TRAPPC11: variants seen among roughly 807,000 people sequenced by gnomAD.
TRAPPC11 encodes the protein foie gras homolog.
TRAPPC11 carries 104 observed loss-of-function variants against 151.2 expected under a neutral mutation model. That is an observed-to-expected ratio of 0.69 (90% CI 0.59 to 0.81). The LOEUF (loss-of-function observed/expected upper bound fraction) is 0.81, where lower values mean the gene tolerates loss of function less well. TRAPPC11 is among the 30% of genes least tolerant of loss of function. The probability of loss-of-function intolerance (pLI) is 0.00; values close to 1 mark genes in which losing one functional copy is unlikely to be tolerated. For missense variants in TRAPPC11, 1,230 were observed against 1,349.6 expected (o/e 0.91, Z 1.39); for synonymous variants, 456 against 472.3 (o/e 0.97, Z 0.45).
chr4:183,661,309 A>G (rs950162389), intron 1 of TRAPPC11, among the ~76,000 whole-genome samples: 4 of 151,570 alleles, frequency 2.6e-5, no homozygotes, highest in Non-Finnish European at 5.9e-5. Context: ...CACTTTTCAC[A>G]AAGATTGTGT....
chr4:183,664,507 G>A (rs1435871998), intron 2 of TRAPPC11, among the ~76,000 whole-genome samples: 1 of 152,150 alleles, frequency 6.6e-6, no homozygotes, highest in African/African-American at 2.4e-5. Context: ...GAATTTAAGT[G>A]AGACAGGTTC....
rs766280108 is a variant in TRAPPC11, at chr4:183,691,393, G to A, written c.1971G>A (p.Met657Ile). The change falls in exon 19 of 30, where the codon ATG becomes ATA. Residue 657 changes from methionine to isoleucine, a missense_variant. Physicochemically the swap from Met to Ile is conservative, Grantham distance 10 (BLOSUM62 1). Coordinates refer to ENST00000334690, the MANE Select transcript of TRAPPC11 (RefSeq NM_021942.6). The part of the protein sequence containing the change: ...EVLENLTQGK[M>I]CLVPGKTRKL... ...TAGAAAATCTGACTCAAGGAAAGATGTGCCTAGTTCCTGGCAAAACAAGAA... is the reference window on the plus strand; with the variant it reads ...TAGAAAATCTGACTCAAGGAAAGATATGCCTAGTTCCTGGCAAAACAAGAA... The A allele has an allele frequency of 6.4e-7, 1 of 1,565,752 alleles. No homozygotes were observed. Among genetic ancestry groups the A allele is most frequent in the South Asian group, 1.2e-5 (1 of 81,804 alleles).
At position 183,708,545 on chromosome 4, in the gene TRAPPC11, C is replaced by G. The variant is rs768618652; in HGVS notation, c.3328C>G (p.Arg1110Gly). The G allele has an allele frequency of 6.8e-6, 11 of 1,613,824 alleles. No individual in the cohort carries two copies. Among genetic ancestry groups the G allele is most frequent in the Admixed American group, 1.7e-5 (1 of 59,968 alleles). Reference protein sequence around the residue: ...FPNFTNQLLRRFIPTSIFVKP... With the variant: ...FPNFTNQLLRGFIPTSIFVKP... Reference sequence around the variant, plus strand: ...TAACTTCACAAATCAGCTGCTCAGGCGTTTTATACCTACCAGTATTTTTGT... The same window carrying G: ...TAACTTCACAAATCAGCTGCTCAGGGGTTTTATACCTACCAGTATTTTTGT... The change falls in exon 29 of 30, where the codon CGT becomes GGT. Residue 1110 changes from arginine (R) to glycine (G), a missense_variant. Arg to Gly is a moderately radical substitution (Grantham distance 125, BLOSUM62 -2). Transcript: ENST00000334690.
rs1282199179 is a variant in TRAPPC11 at position 183,684,793 on chromosome 4, G to T, written c.1519G>T (p.Ala507Ser). The stretch of plus-strand genomic sequence containing the variant: ...AGCTCTGAAGTGCTCCTACCTCATG[G>T]CCCAATTAAAGGATTACATTACTTA... ...TTALKCSYLMAQLKDYITYSL... is the reference protein window; with the variant it reads ...TTALKCSYLMSQLKDYITYSL... The change falls in exon 15 of 30, where the codon GCC (alanine) becomes TCC (serine). Residue 507 changes from alanine (A) to serine (S), a missense_variant. Physicochemically the swap from Ala to Ser is moderately conservative, Grantham distance 99. Transcript: ENST00000334690. The T allele has an allele frequency of 1.2e-6, 2 of 1,613,736 alleles. No homozygotes were observed. The highest frequency in any genetic ancestry group is 1.7e-6 in the Non-Finnish European group (2 of 1,179,874).
intron 8 of TRAPPC11, among the ~76,000 whole-genome samples, chr4:183,678,866 A>C (rs1427564303): frequency 6.6e-6 from 1 of 152,204 alleles, no homozygotes; most frequent in Admixed American, 6.5e-5. Flanking sequence ...AAATACATAC[A>C]TATTAGTACT....
chr4:183,697,859 A>C, intron 25 of TRAPPC11, 24 bp downstream of exon 25: 2 of 1,604,398 alleles, frequency 1.2e-6, no homozygotes, highest in Non-Finnish European at 1.7e-6. Flanking sequence ...ATTCCCACTT[A>C]AAGACCAGGA....
At chr4:183,710,350 G>A (rs900916999) in intron 29 of TRAPPC11, among the ~76,000 whole-genome samples, 3 of 151,480 alleles carry the variant, frequency 2.0e-5, no homozygotes, top group Non-Finnish European at 2.9e-5. Flanking sequence ...GCAGTGGCCC[G>A]ATGTCTGCTC....
intron 27 of TRAPPC11, 109 bp from the exon 28 acceptor site, chr4:183,706,698 A>G (rs1404377828): frequency 1.6e-6 from 2 of 1,227,232 alleles, no homozygotes; most frequent in African/African-American, 3.0e-5. Flanking sequence ...CAGTAACGTC[A>G]TTAATTTAAA....
chr4:183,689,579 TTTTG>T (rs1736149851), intron 18 of TRAPPC11, among the ~76,000 whole-genome samples: 4 of 151,956 alleles, frequency 2.6e-5, no homozygotes, highest in East Asian at 1.9e-4. Flanking sequence ...CAGGGGTTTT[TTTTG>T]TTTGTTTGTT....
chr4:183,679,237 A>G, intron 8 of TRAPPC11, 116 bp from the exon 9 acceptor site: 3 of 1,067,486 alleles, frequency 2.8e-6, no homozygotes, highest in Non-Finnish European at 3.8e-6. Flanking sequence ...AAAGAGCTTC[A>G]GAGAAGGAAA....
intron 2 of TRAPPC11, 79 bp downstream of exon 2, chr4:183,664,150 T>C (rs942853745): frequency 3.3e-5 from 44 of 1,320,862 alleles, no homozygotes; most frequent in Admixed American, 3.3e-4. Flanking sequence ...TTCTGTTGTG[T>C]GTGTGGAGTT....
At position 183,693,209 on chromosome 4, in the gene TRAPPC11, T is replaced by C. The variant is rs1736347125; in HGVS notation, c.2237+62T>C. On this transcript the variant is annotated intron_variant, in intron 20 of 29. Coordinates refer to ENST00000334690, the MANE Select transcript of TRAPPC11 (RefSeq NM_021942.6). ...CCTCTTATTTCTTTTGCTATTTTTT[T>C]TGGAGACAGAGTCTCTCTCTTGTCC... The C allele has an allele frequency of 2.7e-6, 4 of 1,460,974 alleles. No individual in the cohort carries two copies. The Admixed American group carries it at 9.2e-5, about 33-fold the overall frequency. 90.5% of individuals were successfully genotyped at this position (1,460,974 alleles called of 1,614,324 possible).
chr4:183,680,265 G>T lies in TRAPPC11; in HGVS notation c.1111G>T (p.Glu371Ter). The T allele has an allele frequency of 6.2e-7, 1 of 1,613,706 alleles. No homozygotes were observed. The highest frequency in any genetic ancestry group is 8.5e-7 in the Non-Finnish European group (1 of 1,179,896). Residue 371 changes from glutamate to a stop codon, truncating the protein, a stop_gained and splice_region_variant, in exon 10 of 30, where the codon GAA becomes TAA. Transcript: ENST00000334690. LOFTEE classifies it high-confidence loss of function. Reference protein sequence around the residue: ...KQLAKTLCNHEASVMYPNPDP... With the variant: ...KQLAKTLCNH ...GCTTGCAAAAACCCTCTGTAACCAC[G>T]AAGTAAGTTACTCACTCCGTATTAT...
rs1008322323 is a variant in TRAPPC11, at chr4:183,706,852, A to G, written c.3101A>G (p.Tyr1034Cys). The G allele has an allele frequency of 6.2e-6, 10 of 1,614,014 alleles. No homozygotes were observed. The highest frequency in any genetic ancestry group is 8.5e-6 in the Non-Finnish European group (10 of 1,180,002). ...GRVRESLPVKYHLQNKTDLVQ... is the reference protein window; with the variant it reads ...GRVRESLPVKCHLQNKTDLVQ... ...GTCAGAGAGTCGTTACCTGTCAAGTATCACCTACAGAATAAGACCGACTTA... is the reference window on the plus strand; with the variant it reads ...GTCAGAGAGTCGTTACCTGTCAAGTGTCACCTACAGAATAAGACCGACTTA... Residue 1034 changes from tyrosine (Y) to cysteine (C), a missense_variant, in exon 28 of 30, where the codon TAT (tyrosine) becomes TGT (cysteine). Coordinates refer to ENST00000334690, the MANE Select transcript of TRAPPC11 (RefSeq NM_021942.6).
Position 183,675,241 on chromosome 4 carries a change from A to C in TRAPPC11, c.734+4A>C. ...AAGATACACAAAATGCGCTGAAGTA[A>C]GTTAAGCTTTCAAACTAAATGTTTC... On this transcript the variant is annotated splice_donor_region_variant and intron_variant, in intron 7 of 29. Transcript: ENST00000334690. 6.6e-7 allele frequency: 1 copy of C among 1,520,326 alleles called. No individual in the cohort carries two copies. Among genetic ancestry groups the C allele is most frequent in the Non-Finnish European group, 8.9e-7 (1 of 1,129,080 alleles). The allele number at this position is 1,520,326 out of a possible 1,614,324, so 94.2% of individuals were successfully genotyped here.
At chr4:183,707,140 C>T (rs899086600) in intron 28 of TRAPPC11, among the ~76,000 whole-genome samples, 200 bp downstream of exon 28, 6 of 152,078 alleles carry the variant, frequency 3.9e-5, no homozygotes. Flanking sequence ...AGACGAGACA[C>T]GTGGGTTCTT....
chr4:183,689,495 C>T (rs530155354), intron 18 of TRAPPC11, among the ~76,000 whole-genome samples: 4 of 152,116 alleles, frequency 2.6e-5, no homozygotes, highest in Non-Finnish European at 4.4e-5. Flanking sequence ...GTGGTTTCAC[C>T]GTTGTCTGTG....
At chr4:183,708,273 GACT>G (rs1295344263) in intron 28 of TRAPPC11, 131 bp from the exon 29 acceptor site, 1 of 903,870 alleles carries the variant, frequency 1.1e-6, no homozygotes, top group Non-Finnish European at 1.6e-6. Flanking sequence ...TTGGAAGATG[GACT>G]AGGAGAGAGT....
rs1734876517 is a variant in TRAPPC11, at chr4:183,666,258, G to T, written c.206G>T (p.Arg69Ile). ...DHEYPKCRPK[R>I]TSYEWYIPKG... The stretch of plus-strand genomic sequence containing the variant: ...TTCAATTTCTGCCAATGTTTGCAGA[G>T]AACTTCATATGAGTGGTACATTCCT... The change falls in exon 3 of 30, where the codon AGA becomes ATA. Residue 69 changes from arginine to isoleucine, a missense_variant and splice_region_variant. Coordinates refer to ENST00000334690, the MANE Select transcript of TRAPPC11 (RefSeq NM_021942.6). 1 of 1,608,820 alleles carries T rather than the reference G, an allele frequency of 6.2e-7. No homozygotes were observed.
Sources: gnomAD v4.1 joint callset for allele counts (sites outside exome capture counted in the v4.1 genomes callset) on GRCh38, gnomAD v4.1.1 for gene constraint, MANE v1.5 for transcripts, NCBI Gene and HGNC (gene_info 2026-07-23, HGNC 2026-07-21) for gene names.